The following BIRC6 variants were observed in gnomAD, a reference collection of about 807,000 sequenced individuals.
The protein encoded by BIRC6 is baculoviral IAP repeat containing 6.
A neutral mutation model predicts 503.3 loss-of-function variants in BIRC6; 98 were observed. That is an observed-to-expected ratio of 0.19 (90% CI 0.17 to 0.23). The LOEUF is 0.23. Ranked by LOEUF, BIRC6 falls within the 10% of genes least tolerant of loss-of-function variation. The pLI is 1.00. For missense variants in BIRC6, 5,360 were observed against 5,806.0 expected, an observed-to-expected ratio of 0.92 and a Z score of 2.50; for synonymous variants, 2,240 against 2,078.7, an observed-to-expected ratio of 1.08 and a Z score of -2.11.
intron 28 of BIRC6, 113 bp downstream of exon 28, chr2:32,468,224 G>C: frequency 8.9e-7 from 1 of 1,125,610 alleles, no homozygotes; most frequent in South Asian, 1.6e-5. Context: ...AAGAGAGCAA[G>C]AGGAAGTAGG....
chr2:32,513,284 G>C, intron 54 of BIRC6, 130 bp downstream of exon 54: 1 of 663,766 alleles, frequency 1.5e-6, no homozygotes, highest in East Asian at 2.8e-5. Context: ...ATATAATCAA[G>C]TATACTTTTG....
rs973216755 is a variant in BIRC6 at position 32,481,193 on chromosome 2, C to T, written c.7409-127C>T. On this transcript the variant is annotated intron_variant, in intron 37 of 73. Coordinates refer to ENST00000421745, the MANE Select transcript of BIRC6 (RefSeq NM_016252.4). ...TATTATGGAGCGAAATGTTTGCATA[C>T]ATAGAGTTTTTTTTTTTAGGCATAT... The T allele has an allele frequency of 8.9e-6, 7 of 783,072 alleles. No homozygotes were observed. In the African/African-American group the frequency reaches 1.3e-4, roughly 14 times the overall value. The allele number at this position is 783,072 out of a possible 1,614,324, so 48.5% of individuals were successfully genotyped here. A position where few individuals can be genotyped will look rare whatever the true frequency, so the allele number is the denominator to read the frequency against.
At chr2:32,510,753 ATGTT>A in intron 53 of BIRC6, 119 bp downstream of exon 53, 3 of 671,344 alleles carry the variant, frequency 4.5e-6, no homozygotes, top group Non-Finnish European at 7.7e-6. Context: ...GATATATTGT[ATGTT>A]TACCATATGC....
intron 57 of BIRC6, among the ~76,000 whole-genome samples, chr2:32,521,503 A>G (rs936246454): frequency 6.7e-6 from 1 of 150,304 alleles, no homozygotes; most frequent in Non-Finnish European, 1.5e-5. Context: ...ACGGAGTCTC[A>G]CTCTGTCCCC....
intron 12 of BIRC6, 115 bp from the exon 13 acceptor site, chr2:32,433,529 T>C: frequency 1.2e-6 from 1 of 830,548 alleles, no homozygotes; most frequent in South Asian, 2.9e-5. Context: ...TGAGAAACAC[T>C]AGATTTTGTT....
In BIRC6 at chr2:32,541,403, C is replaced by T. The variant is rs530363988; in HGVS notation, c.12292-1838C>T. On this transcript the variant is annotated intron_variant, in intron 61 of 73. Coordinates refer to ENST00000421745, the MANE Select transcript of BIRC6 (RefSeq NM_016252.4). ...AGTGTACAGATGCATGTAGTGTAGC[C>T]GTAGATCAACTTAAGACTGATCTAA... Among the ~76,000 whole-genome samples, 10 of 152,000 alleles carry T rather than the reference C, an allele frequency of 6.6e-5. No homozygotes were observed. In the South Asian group the frequency reaches 2.1e-3, roughly 32 times the overall value.
chr2:32,530,648 AAGT>A (rs1182741325), intron 60 of BIRC6, among the ~76,000 whole-genome samples: 1 of 152,106 alleles, frequency 6.6e-6, no homozygotes, highest in Non-Finnish European at 1.5e-5. Flanking sequence ...AATGCTATAT[AAGT>A]AGTTTTCATA....
At chr2:32,488,737 CATT>C (rs2051306580) in intron 42 of BIRC6, 23 bp downstream of exon 42, 1 of 1,331,750 alleles carries the variant, frequency 7.5e-7, no homozygotes, top group South Asian at 1.4e-5. Context: ...AGGAGAAAAA[CATT>C]ATAGTCTAAA....
rs534351266 is a variant in BIRC6 at position 32,603,876 on chromosome 2, T to C, written c.14070+793T>C. On this transcript the variant is annotated intron_variant, in intron 71 of 73. Transcript: ENST00000421745. ...ATTTATTATTACATCAATATAAATA[T>C]ATGTATATATATATCATATATACTG... is the stretch of plus-strand genomic sequence containing the variant. Among the ~76,000 whole-genome samples the C allele has an allele frequency of 1.5e-4, 23 of 151,442 alleles. 1 individual carries two copies. The highest frequency in any genetic ancestry group is 9.2e-4 in the Admixed American group (14 of 15,164).
intron 22 of BIRC6, among the ~76,000 whole-genome samples, chr2:32,453,466 CT>C (rs35855038): frequency 6.6e-5 from 10 of 152,120 alleles, no homozygotes; most frequent in Admixed American, 3.3e-4. Flanking sequence ...TGATTTACTA[CT>C]TTTTTCACCC....
intron 34 of BIRC6, 116 bp downstream of exon 34, chr2:32,476,460 C>T (rs2149098793): frequency 8.9e-7 from 1 of 1,121,900 alleles, no homozygotes; most frequent in Non-Finnish European, 1.2e-6. Flanking sequence ...AGCCAACCTA[C>T]TCTGGACTTT....
At chr2:32,554,506 T>C (rs1031665941) in intron 65 of BIRC6, among the ~76,000 whole-genome samples, 1 of 152,148 alleles carries the variant, frequency 6.6e-6, no homozygotes, top group Non-Finnish European at 1.5e-5. Flanking sequence ...GTAAGTGATG[T>C]GTTAGAGTAA....
At position 32,531,396 on chromosome 2, in the gene BIRC6, C is replaced by G. The variant is rs763337740; in HGVS notation, c.12136C>G (p.Leu4046Val). 1.5e-5 allele frequency: 24 copies of G among 1,613,632 alleles called. No homozygotes were observed. Among genetic ancestry groups the G allele is most frequent in the South Asian group, 3.3e-5 (3 of 91,024 alleles). Reference sequence around the variant, plus strand: ...TGCTAGCTGTCCAGAAGATGAGGCTCTCACTCCAGGTGATGAATGCATGGA... The same window carrying G: ...TGCTAGCTGTCCAGAAGATGAGGCTGTCACTCCAGGTGATGAATGCATGGA... ...LLASCPEDEA[L>V]TPGDECMDGI... The change falls in exon 61 of 74, where the codon CTC becomes GTC. Residue 4046 changes from leucine (L) to valine (V), a missense_variant. Coordinates refer to ENST00000421745, the MANE Select transcript of BIRC6 (RefSeq NM_016252.4).
chr2:32,388,238 A>G (rs1199003272), intron 3 of BIRC6, among the ~76,000 whole-genome samples: 2 of 151,980 alleles, frequency 1.3e-5, no homozygotes, highest in Non-Finnish European at 1.5e-5. Flanking sequence ...AAAATTAGCC[A>G]GGGATGGTGG....
chr2:32,562,168 C>A (rs1456118722), intron 65 of BIRC6, among the ~76,000 whole-genome samples: 1 of 152,108 alleles, frequency 6.6e-6, no homozygotes, highest in Non-Finnish European at 1.5e-5. Flanking sequence ...GCATGCTAGA[C>A]TGTCTTCATT....
chr2:32,390,509 T>A (rs1489199274), intron 4 of BIRC6, among the ~76,000 whole-genome samples: 1 of 152,094 alleles, frequency 6.6e-6, no homozygotes, highest in Admixed American at 6.5e-5. Flanking sequence ...AAGACAGGGT[T>A]TCACCATGTT....
chr2:32,489,815 T>G (rs1482723943), intron 42 of BIRC6, among the ~76,000 whole-genome samples: 1 of 152,236 alleles, frequency 6.6e-6, no homozygotes, highest in African/African-American at 2.4e-5. Context: ...ACATGTCATT[T>G]CAGGTGTTGT....
rs868727709 is a variant in BIRC6 at position 32,602,711 on chromosome 2, A to C, written c.13993-295A>C. 79 of 310,762 alleles carry C rather than the reference A, an allele frequency of 2.5e-4. 1 individual carries two copies. The highest frequency in any genetic ancestry group is 1.6e-3 in the African/African-American group (75 of 46,496). The allele number at this position is 310,762 out of a possible 1,614,324, so 19.3% of individuals were successfully genotyped here. A position where few individuals can be genotyped will look rare whatever the true frequency, so the allele number is the denominator to read the frequency against. ...CCATAAATATGTACAACTATGTGCT[A>C]ATTAAAAATGTTTTGCTTTTTAAAT... On this transcript the variant is annotated intron_variant, in intron 70 of 73. Transcript: ENST00000421745.
intron 65 of BIRC6, chr2:32,563,290 T>C (rs1262512583): frequency 6.6e-6 from 1 of 152,188 alleles, no homozygotes; most frequent in African/African-American, 2.4e-5. Flanking sequence ...CAGTATAAAT[T>C]CTGATTTTTC....
Sources: allele counts gnomAD v4.1 joint callset (sites outside exome capture counted in the v4.1 genomes callset), GRCh38; gene constraint gnomAD v4.1.1; transcripts MANE v1.5; gene names NCBI Gene and HGNC (gene_info 2026-07-23, HGNC 2026-07-21).